Variants in LOXL2 observed in about 807,000 individuals in gnomAD.
LOXL2 encodes the protein lysyl oxidase homolog 2.
In LOXL2, 70 loss-of-function variants were observed where a neutral mutation model predicts 93.0. The observed-to-expected ratio is 0.75, with a 90% CI of 0.62 to 0.92. LOXL2 has a LOEUF of 0.92. Ranked by LOEUF, LOXL2 falls within the 40% of genes least tolerant of loss-of-function variation. The pLI, the probability that LOXL2 is intolerant of heterozygous loss-of-function variation, is 0.00. For synonymous variants in LOXL2, 438 were observed against 413.2 expected (o/e 1.06, Z -0.73); for missense variants, 973 against 1,054.9 (o/e 0.92, Z 1.08).
At chr8:23,353,453 C>T (rs1804130347) in intron 3 of LOXL2, among the ~76,000 whole-genome samples, 2 of 152,178 alleles carry the variant, frequency 1.3e-5, no homozygotes, top group African/African-American at 2.4e-5. Context: ...TTTTATAGGA[C>T]AGTGTCCAGA....
intron 6 of LOXL2, among the ~76,000 whole-genome samples, chr8:23,326,737 ACT>A (rs906792146): frequency 6.6e-6 from 1 of 151,976 alleles, no homozygotes; most frequent in Non-Finnish European, 1.5e-5. Flanking sequence ...ACTGAGTGAG[ACT>A]CTGTCTCCAA....
At chr8:23,320,204 GC>G (rs1309180699) in intron 7 of LOXL2, 152 bp from the exon 8 acceptor site, 1 of 787,148 alleles carries the variant, frequency 1.3e-6, no homozygotes, top group Non-Finnish European at 2.0e-6. Context: ...GCCCCCGGTG[GC>G]AGCGCTGTGC....
intron 1 of LOXL2, among the ~76,000 whole-genome samples, chr8:23,396,808 C>T (rs1307253653): frequency 1.3e-5 from 2 of 152,188 alleles, no homozygotes; most frequent in Non-Finnish European, 2.9e-5. Context: ...CCTGCTTTGC[C>T]TTTAAATTCA....
chr8:23,360,171 G>A lies in LOXL2; in HGVS notation c.450C>T (p.His150=), dbSNP rs201995556. 14 of 1,614,122 alleles carry A rather than the reference G, an allele frequency of 8.7e-6. No individual in the cohort carries two copies. The Admixed American group carries it at 2.2e-4, about 25-fold the overall frequency. Residue 150 remains histidine (H), a synonymous_variant, in exon 3 of 14, where the codon CAC becomes CAT. Transcript: ENST00000389131. ...TGCACACCACACCGACATCCTCCGT[G>A]TGCTTGCAGTCAGTGACGCCCCAGC... The part of the protein sequence containing the change: ...SNGWGVTDCK[H]TEDVGVVCSD...
rs775861081 is a variant in LOXL2 at position 23,318,455 on chromosome 8, ACACAC to A, written c.1471-1346_1471-1342del. Among the ~76,000 whole-genome samples, 1,110 of 138,138 alleles carry A rather than the reference ACACAC, an allele frequency of 8.0e-3. 5 individuals are homozygous for A. The highest frequency in any genetic ancestry group is 0.011 in the Non-Finnish European group (740 of 67,546). 90.6% of individuals were successfully genotyped at this position (138,138 alleles called of 152,430 possible). ...CACACACACACACACACACACACACACACACAAAAATACACATTCATACAACCTAC... is the reference window on the plus strand; with the variant it reads ...CACACACACACACACACACACACACAAAAAATACACATTCATACAACCTAC... On this transcript the variant is annotated intron_variant, in intron 8 of 13. Transcript: ENST00000389131.
chr8:23,344,167 G>A (rs1307064949), intron 3 of LOXL2, among the ~76,000 whole-genome samples: 1 of 152,220 alleles, frequency 6.6e-6, no homozygotes, highest in Non-Finnish European at 1.5e-5. Context: ...CAAACGCCAA[G>A]GGAGCTTGCT....
chr8:23,298,181 A>ACCCTGAGCCAGGGGAGTGGGCCTCAGGGG (rs1803070617), intron 13 of LOXL2, 59 bp from the exon 14 acceptor site: 2 of 1,369,470 alleles, frequency 1.5e-6, no homozygotes, highest in African/African-American at 1.4e-5. Flanking sequence ...GCCTTGCCTG[A>ACCCTGAGCCAGGGGAGTGGGCCTCAGGGG]CCCTGAGCCA....
intron 1 of LOXL2, among the ~76,000 whole-genome samples, chr8:23,398,648 C>T (rs1800123316): frequency 6.6e-6 from 1 of 152,146 alleles, no homozygotes; most frequent in African/African-American, 2.4e-5. Context: ...ACACAGTCCC[C>T]AGCATCCTTT....
intron 5 of LOXL2, among the ~76,000 whole-genome samples, chr8:23,331,083 G>T (rs1006274862): frequency 1.3e-5 from 2 of 152,202 alleles, no homozygotes; most frequent in Non-Finnish European, 2.9e-5. Flanking sequence ...TGGGATGGGG[G>T]CACCCAGTGT....
Position 23,317,078 on chromosome 8 carries a change from T to C in LOXL2, c.1507A>G (p.Lys503Glu). 6.2e-7 allele frequency: 1 copy of C among 1,614,224 alleles called. No homozygotes were observed. Among genetic ancestry groups the C allele is most frequent in the Non-Finnish European group, 8.5e-7 (1 of 1,180,024 alleles). The change falls in exon 9 of 14, where the codon AAA (lysine) becomes GAA (glutamate). Residue 503 changes from lysine (K) to glutamate (E), a missense_variant. By Grantham distance (56) the Lys-to-Glu change is moderately conservative. Coordinates refer to ENST00000389131, the MANE Select transcript of LOXL2 (RefSeq NM_002318.3). Reference sequence around the variant, plus strand: ...CACTTCACTCCACTCATGACCACTTTGTTGCTGTTGACATCTCCGTGCCAA... The same window carrying C: ...CACTTCACTCCACTCATGACCACTTCGTTGCTGTTGACATCTCCGTGCCAA... ...WYWHGDVNSN[K>E]VVMSGVKCSG... is the part of the protein sequence containing the mutation.
chr8:23,385,253 T>G (rs1037322401), intron 1 of LOXL2, among the ~76,000 whole-genome samples: 29 of 150,702 alleles, frequency 1.9e-4, no homozygotes, highest in Admixed American at 4.0e-4. Flanking sequence ...TCTTTTTTTT[T>G]TTTTTTTTGA....
chr8:23,329,948 T>A (rs1224846076), intron 5 of LOXL2, among the ~76,000 whole-genome samples: 1 of 152,106 alleles, frequency 6.6e-6, no homozygotes, highest in African/African-American at 2.4e-5. Flanking sequence ...CCTCAGGGAC[T>A]GCTCTGACCC....
intron 3 of LOXL2, among the ~76,000 whole-genome samples, chr8:23,359,688 G>A (rs1179762349): frequency 6.6e-6 from 1 of 152,180 alleles, no homozygotes; most frequent in East Asian, 1.9e-4. Flanking sequence ...AAAACCTGGG[G>A]GCAATTTGTT....
At chr8:23,313,185 T>C (rs1393379207) in intron 9 of LOXL2, among the ~76,000 whole-genome samples, 2 of 152,140 alleles carry the variant, frequency 1.3e-5, no homozygotes, top group Non-Finnish European at 2.9e-5. Context: ...TGCTCATGGA[T>C]AGGAAGAATC....
At chr8:23,381,252 G>A (rs1804677391) in intron 1 of LOXL2, among the ~76,000 whole-genome samples, 2 of 152,188 alleles carry the variant, frequency 1.3e-5, no homozygotes, top group South Asian at 2.1e-4. Flanking sequence ...CAATCTTATG[G>A]ATACATAATA....
chr8:23,304,337 G>A (rs3824215), intron 10 of LOXL2, among the ~76,000 whole-genome samples: 3,279 of 152,324 alleles, frequency 0.022, 127 homozygotes, highest in East Asian at 0.15. Context: ...CAAGGGAAAC[G>A]GGGCTGTCGC....
At chr8:23,399,873 C>T (rs533105355) in intron 1 of LOXL2, among the ~76,000 whole-genome samples, 8 of 152,310 alleles carry the variant, frequency 5.3e-5, no homozygotes, top group African/African-American at 1.2e-4. Flanking sequence ...AATCTATGGC[C>T]GTCAGAAGGC....
intron 1 of LOXL2, among the ~76,000 whole-genome samples, chr8:23,391,970 T>C (rs1585384371): frequency 6.6e-6 from 1 of 152,202 alleles, no homozygotes; most frequent in Non-Finnish European, 1.5e-5. Context: ...CCCTATGCCC[T>C]TCCTGCTTAG....
intron 8 of LOXL2, 123 bp from the exon 9 acceptor site, chr8:23,317,237 C>T (rs1803417772): frequency 9.7e-7 from 1 of 1,034,450 alleles, no homozygotes; most frequent in Non-Finnish European, 1.5e-6. Flanking sequence ...CAGATCGAAA[C>T]AGCACGGAGG....
Sources: gnomAD v4.1 joint callset for allele counts (sites outside exome capture counted in the v4.1 genomes callset) on GRCh38, gnomAD v4.1.1 for gene constraint, MANE v1.5 for transcripts, NCBI Gene and HGNC (gene_info 2026-07-23, HGNC 2026-07-21) for gene names.